Variants in SERPINI1 observed in about 807,000 individuals in gnomAD.
The protein encoded by SERPINI1 is serpin family I member 1.
In SERPINI1, 19 loss-of-function variants were observed where a neutral mutation model predicts 41.1. The observed-to-expected ratio is 0.46, with a 90% CI of 0.32 to 0.68. The LOEUF (loss-of-function observed/expected upper bound fraction) is 0.68. Ranked by LOEUF, SERPINI1 falls within the 30% of genes least tolerant of loss-of-function variation. The probability of loss-of-function intolerance (pLI) is 0.03; values close to 1 mark genes in which losing one functional copy is unlikely to be tolerated. For missense variants in SERPINI1, 460 were observed against 479.2 expected, an observed-to-expected ratio of 0.96 and a Z score of 0.37; for synonymous variants, 138 against 156.6, an observed-to-expected ratio of 0.88 and a Z score of 0.89.
chr3:167,743,261 A>T (rs1725739210), intron 1 of SERPINI1, among the ~76,000 whole-genome samples: 1 of 152,160 alleles, frequency 6.6e-6, no homozygotes, highest in African/African-American at 2.4e-5. Flanking sequence ...AAATGGTGTT[A>T]TTATCCATTT....
chr3:167,772,471 T>C (rs1276130020), intron 1 of SERPINI1, among the ~76,000 whole-genome samples: 1 of 152,152 alleles, frequency 6.6e-6, no homozygotes, highest in Non-Finnish European at 1.5e-5. Context: ...CTTACTGCTT[T>C]TCTTATTGGG....
chr3:167,794,547 G>C, intron 4 of SERPINI1, 73 bp from the exon 5 acceptor site: 1 of 1,237,266 alleles, frequency 8.1e-7, no homozygotes, highest in South Asian at 1.3e-5. Context: ...CAAATATGTA[G>C]TCTTTCATCT....
chr3:167,763,487 CCCT>C (rs1198853818), intron 1 of SERPINI1, among the ~76,000 whole-genome samples: 1 of 151,884 alleles, frequency 6.6e-6, no homozygotes, highest in African/African-American at 2.4e-5. Flanking sequence ...TCAAGCAATC[CCCT>C]CACCTCAGCC....
intron 1 of SERPINI1, among the ~76,000 whole-genome samples, chr3:167,749,255 T>G (rs1192336889): frequency 2.0e-5 from 3 of 152,224 alleles, no homozygotes; most frequent in Non-Finnish European, 2.9e-5. Context: ...TCTCATACAA[T>G]GTTCCTTTTA....
At chr3:167,765,908 A>G (rs1040117899) in intron 1 of SERPINI1, among the ~76,000 whole-genome samples, 2 of 152,024 alleles carry the variant, frequency 1.3e-5, no homozygotes, top group African/African-American at 2.4e-5. Flanking sequence ...AACAAGAGTC[A>G]CCTTTGCTGC....
intron 5 of SERPINI1, among the ~76,000 whole-genome samples, chr3:167,799,505 G>C (rs925483470): frequency 6.6e-6 from 1 of 151,990 alleles, no homozygotes; most frequent in Non-Finnish European, 1.5e-5. Flanking sequence ...ATAAACATAC[G>C]TGTGTGTGTG....
intron 1 of SERPINI1, among the ~76,000 whole-genome samples, chr3:167,748,610 AC>A (rs1725937387): frequency 1.3e-5 from 2 of 152,218 alleles, no homozygotes; most frequent in African/African-American, 4.8e-5. Context: ...AATGGAGATG[AC>A]AACGTCTCAG....
chr3:167,790,313 C>G (rs1296423474), intron 2 of SERPINI1, 59 bp from the exon 3 acceptor site: 2 of 1,300,140 alleles, frequency 1.5e-6, no homozygotes, highest in Non-Finnish European at 1.1e-6. Flanking sequence ...CTCCTCCACT[C>G]TCCTTGACAT....
At chr3:167,766,107 C>T (rs941617642) in intron 1 of SERPINI1, among the ~76,000 whole-genome samples, 5 of 152,054 alleles carry the variant, frequency 3.3e-5, no homozygotes, top group East Asian at 1.9e-4. Flanking sequence ...GTTCCAAAGT[C>T]GCTTCCACAT....
chr3:167,770,812 T>G (rs181655479), intron 1 of SERPINI1, among the ~76,000 whole-genome samples: 2 of 152,316 alleles, frequency 1.3e-5, no homozygotes, highest in East Asian at 3.9e-4. Context: ...GCCATCTGTT[T>G]CCCTGTTTCT....
At chr3:167,778,950 A>G (rs2066338622) in intron 1 of SERPINI1, among the ~76,000 whole-genome samples, 1 of 152,228 alleles carries the variant, frequency 6.6e-6, no homozygotes, top group South Asian at 2.1e-4. Context: ...GCTGTGTTAG[A>G]TTCATCCTGC....
intron 6 of SERPINI1, among the ~76,000 whole-genome samples, chr3:167,820,089 C>G (rs1712258544): frequency 6.6e-6 from 1 of 152,142 alleles, no homozygotes; most frequent in Admixed American, 6.5e-5. Flanking sequence ...GCTCTAGAGG[C>G]TGTAAGTCTG....
intron 1 of SERPINI1, among the ~76,000 whole-genome samples, chr3:167,769,558 T>C (rs1049587402): frequency 1.3e-5 from 2 of 152,178 alleles, no homozygotes; most frequent in African/African-American, 2.4e-5. Flanking sequence ...GTGACCTTTG[T>C]ATAAGTAAGA....
Position 167,793,592 on chromosome 3 carries a change from A to T in SERPINI1, c.676+808A>T, listed in dbSNP as rs1445800458. On this transcript the variant is annotated intron_variant, in intron 4 of 8. Transcript: ENST00000446050. Reference sequence around the variant, plus strand: ...TCTCTACAAATATATATATATATATATATATTTTTAATTAGCTAGGCATAA... The same window carrying T: ...TCTCTACAAATATATATATATATATTTATATTTTTAATTAGCTAGGCATAA... Among the ~76,000 whole-genome samples, 697 of 103,452 alleles carry T rather than the reference A, an allele frequency of 6.7e-3. 8 individuals are homozygous for T. The highest frequency in any genetic ancestry group is 0.029 in the African/African-American group (667 of 22,952). 67.9% of individuals were successfully genotyped at this position (103,452 alleles called of 152,430 possible). A position where few individuals can be genotyped will look rare whatever the true frequency, so the allele number is the denominator to read the frequency against.
intron 1 of SERPINI1, among the ~76,000 whole-genome samples, chr3:167,758,233 G>A (rs1181050477): frequency 6.6e-6 from 1 of 152,090 alleles, no homozygotes; most frequent in African/African-American, 2.4e-5. Context: ...CATTTTTAAA[G>A]AGGTATTTCT....
chr3:167,739,324 T>C (rs1269676460), intron 1 of SERPINI1, among the ~76,000 whole-genome samples: 1 of 152,228 alleles, frequency 6.6e-6, no homozygotes, highest in Admixed American at 6.5e-5. Context: ...ACAATACTTC[T>C]GTAATGCACA....
intron 4 of SERPINI1, among the ~76,000 whole-genome samples, chr3:167,793,575 A>AATAT (rs1198926852): frequency 0.018 from 2,458 of 134,134 alleles, 29 homozygotes; most frequent in Middle Eastern, 0.029. Flanking sequence ...TTTCTCTACA[A>AATAT]ATATATATAT....
intron 2 of SERPINI1, among the ~76,000 whole-genome samples, chr3:167,789,767 T>A (rs1727436806): frequency 6.6e-6 from 1 of 152,190 alleles, no homozygotes; most frequent in Non-Finnish European, 1.5e-5. Context: ...AAATTTTTGC[T>A]TAAAATCAGC....
At chr3:167,794,530 A>G in intron 4 of SERPINI1, 90 bp from the exon 5 acceptor site, 4 of 1,080,866 alleles carry the variant, frequency 3.7e-6, no homozygotes. Flanking sequence ...AGCAGTGTAC[A>G]CTATACCAAA....
Sources: gnomAD v4.1 joint callset for allele counts (sites outside exome capture counted in the v4.1 genomes callset) on GRCh38, gnomAD v4.1.1 for gene constraint, MANE v1.5 for transcripts, NCBI Gene and HGNC (gene_info 2026-07-23, HGNC 2026-07-21) for gene names.